RPA1: variants seen among roughly 807,000 people sequenced by gnomAD.
The protein encoded by RPA1 is replication protein A 70 kDa DNA-binding subunit.
A neutral mutation model predicts 83.0 loss-of-function variants in RPA1; 49 were observed. The observed-to-expected ratio is 0.59, with a 90% CI of 0.47 to 0.75. The LOEUF is 0.75. Among genes scored for constraint, RPA1 ranks in the 30% least tolerant of loss-of-function variants. The pLI, the probability that RPA1 is intolerant of heterozygous loss-of-function variation, is 0.00. For missense variants in RPA1, 693 were observed against 776.1 expected (o/e 0.89, Z 1.27); for synonymous variants, 279 against 281.8 (o/e 0.99, Z 0.10).
In RPA1 at chr17:1,830,033, G is replaced by A. The variant is rs1040129603; in HGVS notation, c.-61G>A. 2 of 1,244,434 alleles carry A rather than the reference G, an allele frequency of 1.6e-6. No homozygotes were observed. The highest frequency in any genetic ancestry group is 4.2e-5 in the Admixed American group (1 of 23,690). The allele number at this position is 1,244,434 out of a possible 1,614,324, so 77.1% of individuals were successfully genotyped here. A position where few individuals can be genotyped will look rare whatever the true frequency, so the allele number is the denominator to read the frequency against. ...GGGCCAATAACTGCGCAGCGCGCGG[G>A]ACCCGGGTGGGGAAGCTGGAGCTGT... On this transcript the variant is annotated 5_prime_UTR_variant, in exon 1 of 17. Transcript: ENST00000254719.
rs958206052 is a variant in RPA1, at chr17:1,839,781, C to T, written c.34-3022C>T. Among the ~76,000 whole-genome samples the T allele has an allele frequency of 2.1e-5, 3 of 144,074 alleles. No individual in the cohort carries two copies. In the South Asian group the frequency reaches 6.6e-4, roughly 31 times the overall value. The allele number at this position is 144,074 out of a possible 152,430, so 94.5% of individuals were successfully genotyped here. On this transcript the variant is annotated intron_variant, in intron 1 of 16. Transcript: ENST00000254719. ...CTCTGAGTAGCTGGGACGACTGCGC[C>T]CAGCTAGTTTTTTTTTTTTTTTTTT...
intron 5 of RPA1, among the ~76,000 whole-genome samples, chr17:1,865,061 T>C (rs1913127807): frequency 6.6e-6 from 1 of 152,138 alleles, no homozygotes; most frequent in African/African-American, 2.4e-5. Flanking sequence ...GAAAGGAAAG[T>C]TGGAGAATCT....
At chr17:1,877,346 A>G in intron 8 of RPA1, 32 bp downstream of exon 8, 1 of 1,592,010 alleles carries the variant, frequency 6.3e-7, no homozygotes, top group East Asian at 2.2e-5. Context: ...GAGTGAGGGC[A>G]GTGGGCTCGC....
chr17:1,864,031 A>G (rs1913085805), intron 5 of RPA1, among the ~76,000 whole-genome samples: 1 of 152,266 alleles, frequency 6.6e-6, no homozygotes, highest in Non-Finnish European at 1.5e-5. Context: ...TAAGCTGGTC[A>G]GCATCAAGAA....
chr17:1,888,656 C>A lies in RPA1; in HGVS notation c.1375-19C>A. The A allele has an allele frequency of 6.2e-7, 1 of 1,601,900 alleles. No homozygotes were observed. Among genetic ancestry groups the A allele is most frequent in the Non-Finnish European group, 8.5e-7 (1 of 1,171,042 alleles). On this transcript the variant is annotated intron_variant, in intron 13 of 16. Transcript: ENST00000254719. ...CGGGCTCGCGACTCCGTGCCTCATG[C>A]TGTTCTTTTCTCCCGAAGCCGGACT... is the stretch of plus-strand genomic sequence containing the variant.
intron 16 of RPA1, among the ~76,000 whole-genome samples, chr17:1,895,770 C>T (rs906340860): frequency 2.0e-5 from 3 of 151,824 alleles, no homozygotes; most frequent in African/African-American, 7.3e-5. Context: ...ACAACCTCCG[C>T]CTCCCGGGTT....
In RPA1 at chr17:1,872,544, G is replaced by A. The variant is rs1300790184; in HGVS notation, c.454+18G>A. ...GGGAATGGGTGAGATGCCTCACGGG[G>A]CGTGCGCTGACCAGGGGTGTCAGAC... On this transcript the variant is annotated intron_variant, in intron 6 of 16. Coordinates refer to ENST00000254719, the MANE Select transcript of RPA1 (RefSeq NM_002945.5). 2.5e-6 allele frequency: 4 copies of A among 1,612,398 alleles called. No individual in the cohort carries two copies. The highest frequency in any genetic ancestry group is 4.5e-5 in the East Asian group (2 of 44,840).
Position 1,875,738 on chromosome 17 carries a change from G to C in RPA1, c.532G>C (p.Gly178Arg). The C allele has an allele frequency of 1.2e-6, 2 of 1,614,116 alleles. No individual in the cohort carries two copies. Among genetic ancestry groups the C allele is most frequent in the Non-Finnish European group, 1.7e-6 (2 of 1,180,022 alleles). ...AAGPSLSHTSGGTQSKVVPIA... is the reference protein window; with the variant it reads ...AAGPSLSHTSRGTQSKVVPIA... ...AGGTCCCAGCCTGTCACACACTTCTGGGGGAACACAGTCCAAAGTGGTGCC... is the reference window on the plus strand; with the variant it reads ...AGGTCCCAGCCTGTCACACACTTCTCGGGGAACACAGTCCAAAGTGGTGCC... The change falls in exon 7 of 17, where the codon GGG becomes CGG. Residue 178 changes from glycine to arginine, a missense_variant. By Grantham distance (125) the Gly-to-Arg change is moderately radical. Transcript: ENST00000254719.
intron 5 of RPA1, among the ~76,000 whole-genome samples, chr17:1,870,538 G>A (rs775354402): frequency 3.3e-5 from 5 of 152,176 alleles, no homozygotes; most frequent in African/African-American, 1.2e-4. Flanking sequence ...GTCCATTAAC[G>A]TTGGCGTAAG....
intron 4 of RPA1, among the ~76,000 whole-genome samples, chr17:1,850,760 C>A (rs1046476025): frequency 6.6e-6 from 1 of 150,988 alleles, no homozygotes; most frequent in South Asian, 2.1e-4. Flanking sequence ...GGTGTGGTGG[C>A]GGGTGCCTGT....
At chr17:1,865,941 G>GT (rs1258133180) in intron 5 of RPA1, among the ~76,000 whole-genome samples, 2 of 151,930 alleles carry the variant, frequency 1.3e-5, no homozygotes, top group Admixed American at 6.6e-5. Flanking sequence ...GCCATATCCT[G>GT]TTTTTTTAAA....
chr17:1,893,912 G>A (rs899997508), intron 15 of RPA1, among the ~76,000 whole-genome samples: 12 of 151,750 alleles, frequency 7.9e-5, no homozygotes, highest in African/African-American at 2.4e-4. Flanking sequence ...ATGTTGGAGC[G>A]CCGTGGTGTG....
At chr17:1,865,703 A>G (rs1383283601) in intron 5 of RPA1, among the ~76,000 whole-genome samples, 1 of 152,190 alleles carries the variant, frequency 6.6e-6, no homozygotes, top group Non-Finnish European at 1.5e-5. Context: ...GAATGTAACC[A>G]AATACAAATA....
intron 7 of RPA1, 141 bp downstream of exon 7, chr17:1,875,934 T>G: frequency 1.1e-6 from 1 of 922,674 alleles, no homozygotes; most frequent in South Asian, 3.4e-5. Flanking sequence ...TTTTTTTTTT[T>G]TTTTTTGCTG....
At chr17:1,876,440 C>A (rs1021297150) in intron 7 of RPA1, among the ~76,000 whole-genome samples, 5 of 151,964 alleles carry the variant, frequency 3.3e-5, no homozygotes, top group Admixed American at 3.3e-4. Flanking sequence ...CTGTAATCCC[C>A]GCTACTCAGG....
intron 13 of RPA1, among the ~76,000 whole-genome samples, chr17:1,886,125 TCTC>T (rs200019869): frequency 0.029 from 4,467 of 151,722 alleles, 102 homozygotes; most frequent in Non-Finnish European, 0.044. Flanking sequence ...AATATATTAA[TCTC>T]CTCGTACTGT....
Position 1,895,024 on chromosome 17 carries a change from G to A in RPA1, c.1675G>A (p.Glu559Lys). 6.2e-7 allele frequency: 1 copy of A among 1,613,356 alleles called. No individual in the cohort carries two copies. Among genetic ancestry groups the A allele is most frequent in the South Asian group, 1.1e-5 (1 of 90,982 alleles). ...ELKDKNEQAF[E>K]EVFQNANFRS... ...GTTTTTGCAGAATGAACAGGCATTT[G>A]AAGAAGTTTTCCAGAATGCCAACTT... is the stretch of plus-strand genomic sequence containing the variant. Residue 559 changes from glutamate to lysine, a missense_variant, in exon 16 of 17, where the codon GAA (glutamate) becomes AAA (lysine). Glu to Lys is a moderately conservative substitution (Grantham distance 56). Coordinates refer to ENST00000254719, the MANE Select transcript of RPA1 (RefSeq NM_002945.5).
chr17:1,894,414 G>A lies in RPA1; in HGVS notation c.1660-595G>A, dbSNP rs4511576. Among the ~76,000 whole-genome samples, 60 of 152,182 alleles carry A rather than the reference G, an allele frequency of 3.9e-4. 1 individual carries two copies. Among genetic ancestry groups the A allele is most frequent in the Admixed American group, 9.8e-4 (15 of 15,278 alleles). ...ACTCCCAACCTCAAGTGATCCACCC[G>A]CTTCCGCTTCCCAAAGCGCTGGGAT... On this transcript the variant is annotated intron_variant, in intron 15 of 16. Coordinates refer to ENST00000254719, the MANE Select transcript of RPA1 (RefSeq NM_002945.5).
chr17:1,831,277 AT>A (rs1381456056), intron 1 of RPA1, among the ~76,000 whole-genome samples: 1 of 152,162 alleles, frequency 6.6e-6, no homozygotes, highest in African/African-American at 2.4e-5. Context: ...GGATGGCACC[AT>A]TATCTATTCA....
Sources: allele counts gnomAD v4.1 joint callset (sites outside exome capture counted in the v4.1 genomes callset), GRCh38; gene constraint gnomAD v4.1.1; transcripts MANE v1.5; gene names NCBI Gene and HGNC (gene_info 2026-07-23, HGNC 2026-07-21).